Variants in EMILIN3 observed in about 807,000 individuals in gnomAD.
The protein encoded by EMILIN3 is elastin microfibril interfacer 3, also known as EMILIN-3.
EMILIN3 carries 38 observed loss-of-function variants against 42.8 expected under a neutral mutation model. The observed-to-expected ratio is 0.89, with a 90% CI of 0.69 to 1.16. The LOEUF is 1.16. Among genes scored for constraint, EMILIN3 ranks in the 50% most tolerant of loss-of-function variants. The pLI, the probability that EMILIN3 is intolerant of heterozygous loss-of-function variation, is 0.00. For missense variants in EMILIN3, 924 were observed against 999.5 expected (o/e 0.92, Z 1.02); for synonymous variants, 430 against 440.5 (o/e 0.98, Z 0.30).
At chr20:41,365,721 CT>C (rs2046390220) in intron 1 of EMILIN3, among the ~76,000 whole-genome samples, 3 of 152,210 alleles carry the variant, frequency 2.0e-5, no homozygotes, top group Admixed American at 2.0e-4. Flanking sequence ...GGTACTCTTC[CT>C]CCTACAACAG....
At position 41,361,943 on chromosome 20, in the gene EMILIN3, G is replaced by C. The variant is rs745493571; in HGVS notation, c.1626C>G (p.Ser542Arg). ...CCTGGCGTAGGAGGGCCTCGCTCCG[G>C]CTCTGCCAGGCCTTCACCTCTGCCA... is the stretch of plus-strand genomic sequence containing the variant. ...SLVAEVKAWQSRSEALLRQVA... is the reference protein window; with the variant it reads ...SLVAEVKAWQRRSEALLRQVA... Residue 542 changes from serine to arginine, a missense_variant, in exon 4 of 4, where the codon AGC (serine) becomes AGG (arginine). Physicochemically the swap from Ser to Arg is moderately radical, Grantham distance 110. Coordinates refer to ENST00000332312, the MANE Select transcript of EMILIN3 (RefSeq NM_052846.2). 1 of 1,612,652 alleles carries C rather than the reference G, an allele frequency of 6.2e-7. No homozygotes were observed.
chr20:41,360,738 G>C lies in EMILIN3; in HGVS notation c.*530C>G. The stretch of plus-strand genomic sequence containing the variant: ...TTCCTGCACAAACCTAGTCCTGATG[G>C]CTGCGAAGAGAAGCCGAGGGGACAA... On this transcript the variant is annotated 3_prime_UTR_variant, in exon 4 of 4. Transcript: ENST00000332312. 1 of 157,768 alleles carries C rather than the reference G, an allele frequency of 6.3e-6. No individual in the cohort carries two copies. The highest frequency in any genetic ancestry group is 1.4e-5 in the Non-Finnish European group (1 of 71,590). 9.8% of individuals were successfully genotyped at this position (157,768 alleles called of 1,614,324 possible).
At position 41,361,492 on chromosome 20, in the gene EMILIN3, C is replaced by T. The variant is rs1193101029; in HGVS notation, c.2077G>A (p.Val693Met). 1.9e-6 allele frequency: 3 copies of T among 1,609,454 alleles called. No homozygotes were observed. In the Admixed American group the frequency reaches 5.0e-5, roughly 27 times the overall value. ...QHTVGHFDQR[V>M]AQVEGACRRL... ...CTGCACGCACCCTCCACTTGTGCCA[C>T]CCGCTGGTCAAAGTGTCCCACTGTG... Residue 693 changes from valine (V) to methionine (M), a missense_variant, in exon 4 of 4, where the codon GTG becomes ATG. By Grantham distance (21) the Val-to-Met change is conservative (BLOSUM62 1). Transcript: ENST00000332312.
chr20:41,362,681 G>A lies in EMILIN3; in HGVS notation c.888C>T (p.Ser296=). Residue 296 remains serine, a synonymous_variant, in exon 4 of 4, where the codon TCC becomes TCT. Coordinates refer to ENST00000332312, the MANE Select transcript of EMILIN3 (RefSeq NM_052846.2). ...CCACGTACTCCTCCAGCAGGGCCAG[G>A]GAGGTGAGCGGGGATGGTGGGGCTT... ...LREAPPSPLT[S]LALLEEYVDR... 6.2e-7 allele frequency: 1 copy of A among 1,612,698 alleles called. No homozygotes were observed. Among genetic ancestry groups the A allele is most frequent in the South Asian group, 1.1e-5 (1 of 91,050 alleles).
Position 41,365,157 on chromosome 20 carries a change from C to A in EMILIN3, c.168G>T (p.Lys56Asn), listed in dbSNP as rs750463260. Residue 56 changes from lysine (K) to asparagine (N), a missense_variant and splice_region_variant, in exon 2 of 4, where the codon AAG becomes AAT. Lys to Asn is a moderately conservative substitution (Grantham distance 94). Transcript: ENST00000332312. ...WRPRLRPGPH[K>N]ALCAYVVHRN... ...TGTGCACCACATAGGCACAGAGGGC[C>A]CTACAGGAGAAAATGGCACCCCTGG... 1.4e-5 allele frequency: 22 copies of A among 1,613,558 alleles called. No individual in the cohort carries two copies. In the East Asian group the frequency reaches 2.5e-4, roughly 18 times the overall value.
At position 41,360,999 on chromosome 20, in the gene EMILIN3, G is replaced by T; in HGVS notation, c.*269C>A. On this transcript the variant is annotated 3_prime_UTR_variant, in exon 4 of 4. Coordinates refer to ENST00000332312, the MANE Select transcript of EMILIN3 (RefSeq NM_052846.2). ...CTGGCTGTCCAGACACTGATTTGCT[G>T]ACAGTGGAATGTGAACTCTCTCAAG... 1 of 457,426 alleles carries T rather than the reference G, an allele frequency of 2.2e-6. No individual in the cohort carries two copies. The highest frequency in any genetic ancestry group is 5.4e-5 in the South Asian group (1 of 18,470). The allele number at this position is 457,426 out of a possible 1,614,324, so 28.3% of individuals were successfully genotyped here. A position where few individuals can be genotyped will look rare whatever the true frequency, so the allele number is the denominator to read the frequency against.
In EMILIN3 at chr20:41,365,168, A is replaced by C. The variant is rs2046387621; in HGVS notation, c.168-11T>G. On this transcript the variant is annotated splice_polypyrimidine_tract_variant and intron_variant, in intron 1 of 3. Transcript: ENST00000332312. ...TAGGCACAGAGGGCCCTACAGGAGA[A>C]AATGGCACCCCTGGAATATCTGGCT... is the stretch of plus-strand genomic sequence containing the variant. 1.2e-6 allele frequency: 2 copies of C among 1,613,186 alleles called. No individual in the cohort carries two copies. The highest frequency in any genetic ancestry group is 8.5e-7 in the Non-Finnish European group (1 of 1,179,516).
At chr20:41,365,613 A>C (rs112955027) in intron 1 of EMILIN3, among the ~76,000 whole-genome samples, 2 of 152,226 alleles carry the variant, frequency 1.3e-5, no homozygotes, top group South Asian at 2.1e-4. Flanking sequence ...GTAGTTTTGC[A>C]GCCCCTGCCT....
intron 2 of EMILIN3, 102 bp from the exon 3 acceptor site, chr20:41,363,963 G>T: frequency 9.1e-7 from 1 of 1,104,290 alleles, no homozygotes; most frequent in Non-Finnish European, 1.3e-6. Flanking sequence ...CATAAGGCTG[G>T]GTATCTCCCC....
chr20:41,361,447 C>T lies in EMILIN3; in HGVS notation c.2122G>A (p.Ala708Thr), dbSNP rs775310742. 1.2e-5 allele frequency: 19 copies of T among 1,606,186 alleles called. No individual in the cohort carries two copies. Among genetic ancestry groups the T allele is most frequent in the East Asian group, 1.1e-4 (5 of 44,602 alleles). The part of the protein sequence containing the change: ...GACRRLGLLA[A>T]GLDSLPTEPL... ...TCAGTGGGCAAGCTGTCCAGGCCCG[C>T]GGCCAGCAGGCCCAGCCTCCTGCAC... The change falls in exon 4 of 4, where the codon GCG becomes ACG. Residue 708 changes from alanine to threonine, a missense_variant. By Grantham distance (58) the Ala-to-Thr change is moderately conservative (BLOSUM62 0). Coordinates refer to ENST00000332312, the MANE Select transcript of EMILIN3 (RefSeq NM_052846.2).
In EMILIN3 at chr20:41,361,388, A is replaced by G. The variant is rs753876155; in HGVS notation, c.2181T>C (p.His727=). The G allele has an allele frequency of 3.7e-6, 6 of 1,612,950 alleles. No homozygotes were observed. The African/African-American group carries it at 6.7e-5, about 18-fold the overall frequency. The change falls in exon 4 of 4, where the codon CAT becomes CAC. Residue 727 remains histidine (H), a synonymous_variant. Transcript: ENST00000332312. Reference sequence around the variant, plus strand: ...CCAGCGTACGATTCAGCTGGTCCACATGGCTCCACAGGCCCTCTCTGGGCC... The same window carrying G: ...CCAGCGTACGATTCAGCTGGTCCACGTGGCTCCACAGGCCCTCTCTGGGCC... ...PLRPREGLWS[H]VDQLNRTLAQ...
At position 41,362,669 on chromosome 20, in the gene EMILIN3, C is replaced by A; in HGVS notation, c.900G>T (p.Leu300=). The A allele has an allele frequency of 6.2e-7, 1 of 1,611,738 alleles. No homozygotes were observed. The highest frequency in any genetic ancestry group is 8.5e-7 in the Non-Finnish European group (1 of 1,179,950). Residue 300 remains leucine, a synonymous_variant, in exon 4 of 4, where the codon CTG becomes CTT. Coordinates refer to ENST00000332312, the MANE Select transcript of EMILIN3 (RefSeq NM_052846.2). ...PPSPLTSLAL[L]EEYVDRRLHR... is the part of the protein sequence containing the mutation. ...GCAGCCGTCGGTCCACGTACTCCTC[C>A]AGCAGGGCCAGGGAGGTGAGCGGGG...
Position 41,362,611 on chromosome 20 carries a change from C to G in EMILIN3, c.958G>C (p.Glu320Gln), listed in dbSNP as rs1432300514. 6.2e-7 allele frequency: 1 copy of G among 1,603,616 alleles called. No individual in the cohort carries two copies. Among genetic ancestry groups the G allele is most frequent in the Non-Finnish European group, 8.5e-7 (1 of 1,179,572 alleles). ...RLWGSLLDGF[E>Q]QKLQGVQSEC... ...CTCTGGACGCCTTGCAGCTTCTGCTCAAAGCCATCCAGCAGGCTCCCCCAG... is the reference window on the plus strand; with the variant it reads ...CTCTGGACGCCTTGCAGCTTCTGCTGAAAGCCATCCAGCAGGCTCCCCCAG... Residue 320 changes from glutamate to glutamine, a missense_variant, in exon 4 of 4, where the codon GAG becomes CAG. Coordinates refer to ENST00000332312, the MANE Select transcript of EMILIN3 (RefSeq NM_052846.2).
chr20:41,363,124 A>G, intron 3 of EMILIN3, 70 bp from the exon 4 acceptor site: 1 of 1,291,254 alleles, frequency 7.7e-7, no homozygotes, highest in Middle Eastern at 2.6e-4. Flanking sequence ...ATGCCAGGCC[A>G]CCCAAGAGAC....
rs534140863 is a variant in EMILIN3, at chr20:41,366,098, G to C, written c.167+370C>G. The stretch of plus-strand genomic sequence containing the variant: ...AGGGGAGAGAAGGGAGGCCCGGGGC[G>C]GGGGAGCCCCGCGTGCTCAGCGCGC... On this transcript the variant is annotated intron_variant, in intron 1 of 3. Transcript: ENST00000332312. This position sits in a 1 kb window ranked among gnomAD's most constrained non-coding sequence, Gnocchi z 4.2. Among the ~76,000 whole-genome samples, 1 of 152,062 alleles carries C rather than the reference G, an allele frequency of 6.6e-6. No homozygotes were observed. The highest frequency in any genetic ancestry group is 1.5e-5 in the Non-Finnish European group (1 of 67,980).
At position 41,361,328 on chromosome 20, in the gene EMILIN3, A is replaced by G; in HGVS notation, c.2241T>C (p.Asp747=). The change falls in exon 4 of 4, where the codon GAT becomes GAC. Residue 747 remains aspartate, a synonymous_variant. Transcript: ENST00000332312. ...QHTQDIARLR[D]DLLDCQAQLA... ...GCTGGGCCTGGCAGTCCAGTAGGTC[A>G]TCCCGGAGGCGGGCAATGTCCTGCG... is the stretch of plus-strand genomic sequence containing the variant. The G allele has an allele frequency of 6.2e-7, 1 of 1,609,756 alleles. No homozygotes were observed. The highest frequency in any genetic ancestry group is 8.5e-7 in the Non-Finnish European group (1 of 1,176,972).
At position 41,362,428 on chromosome 20, in the gene EMILIN3, T is replaced by A. The variant is rs771506040; in HGVS notation, c.1141A>T (p.Arg381Trp). ...GCTAGTTGCCCACAGCAGCTGCCCC[T>A]GCCAGACACGCTCAGGCCCTGCAGC... The part of the protein sequence containing the change: ...SQLQGLSVSG[R>W]GSCCGQLALI... Residue 381 changes from arginine (R) to tryptophan (W), a missense_variant, in exon 4 of 4, where the codon AGG becomes TGG. Physicochemically the swap from Arg to Trp is moderately radical, Grantham distance 101. Coordinates refer to ENST00000332312, the MANE Select transcript of EMILIN3 (RefSeq NM_052846.2). 1 of 1,600,998 alleles carries A rather than the reference T, an allele frequency of 6.2e-7. No individual in the cohort carries two copies. Among genetic ancestry groups the A allele is most frequent in the Non-Finnish European group, 8.5e-7 (1 of 1,179,900 alleles).
chr20:41,365,422 G>A (rs2046388925), intron 1 of EMILIN3, among the ~76,000 whole-genome samples: 1 of 152,034 alleles, frequency 6.6e-6, no homozygotes, highest in Non-Finnish European at 1.5e-5. Context: ...CTCCCTGCGT[G>A]GGGAAGAGGC....
Position 41,361,898 on chromosome 20 carries a change from C to T in EMILIN3, c.1671G>A (p.Leu557=), listed in dbSNP as rs550076465. The T allele has an allele frequency of 6.2e-7, 1 of 1,613,536 alleles. No individual in the cohort carries two copies. Among genetic ancestry groups the T allele is most frequent in the Admixed American group, 1.7e-5 (1 of 60,032 alleles). The change falls in exon 4 of 4, where the codon CTG becomes CTA. Residue 557 remains leucine, a synonymous_variant. Coordinates refer to ENST00000332312, the MANE Select transcript of EMILIN3 (RefSeq NM_052846.2). ...CCACAGTGCCATTGAGCTGCTGGAG[C>T]AGTGCTGCGTGGCTGGCCACCTGGC... ...LLRQVASHAA[L]LQQLNGTVAE...
Sources: gnomAD v4.1 joint callset for allele counts (sites outside exome capture counted in the v4.1 genomes callset) on GRCh38, gnomAD v4.1.1 for gene constraint, Gnocchi (gnomAD v3.1) non-coding constraint, MANE v1.5 for transcripts, NCBI Gene and HGNC (gene_info 2026-07-23, HGNC 2026-07-21) for gene names.